ALDH1L1: variants seen among roughly 807,000 people sequenced by gnomAD.
The protein encoded by ALDH1L1 is aldehyde dehydrogenase 1 family member L1, also known as cytosolic 10-formyltetrahydrofolate dehydrogenase.
ALDH1L1 carries 68 observed loss-of-function variants against 101.1 expected under a neutral mutation model. That is an observed-to-expected ratio of 0.67 (90% CI 0.55 to 0.82). The LOEUF is 0.82. ALDH1L1 is among the 40% of genes least tolerant of loss of function. The pLI is 0.00. For missense variants in ALDH1L1, 1,087 were observed against 1,172.7 expected, an observed-to-expected ratio of 0.93 and a Z score of 1.07; for synonymous variants, 486 against 470.8, an observed-to-expected ratio of 1.03 and a Z score of -0.42.
At chr3:126,197,318 A>G (rs1365013795) in intron 1 of ALDH1L1, among the ~76,000 whole-genome samples, 1 of 152,300 alleles carries the variant, frequency 6.6e-6, no homozygotes, top group South Asian at 2.1e-4. Context: ...TTTACCTAAA[A>G]CATTGGCTTT....
At chr3:126,123,105 T>C (rs2080109517) in intron 16 of ALDH1L1, among the ~76,000 whole-genome samples, 1 of 152,166 alleles carries the variant, frequency 6.6e-6, no homozygotes, top group Non-Finnish European at 1.5e-5. Flanking sequence ...TGTAAAAATA[T>C]ATATCATGTC....
At chr3:126,182,271 T>G (rs547188435), upstream of ALDH1L1, among the ~76,000 whole-genome samples, 8 of 152,246 alleles carry the variant, frequency 5.3e-5, no homozygotes, top group East Asian at 1.5e-3. Context: ...CTTAGCCTCC[T>G]GAGTAGCTGG....
intron 3 of ALDH1L1, 24 bp downstream of exon 3, chr3:126,158,381 C>T (rs1409725176): frequency 1.7e-5 from 26 of 1,535,194 alleles, no homozygotes; most frequent in Non-Finnish European, 2.3e-5. Flanking sequence ...GGGGATGGCC[C>T]CCTGTGTTTT....
At chr3:126,107,669 G>A (rs1380280408) in intron 20 of ALDH1L1, among the ~76,000 whole-genome samples, 1 of 152,198 alleles carries the variant, frequency 6.6e-6, no homozygotes, top group Non-Finnish European at 1.5e-5. Flanking sequence ...AACCCGTGGA[G>A]TAGGAGGAGG....
chr3:126,120,177 G>T (rs956283732), intron 16 of ALDH1L1, among the ~76,000 whole-genome samples: 1 of 152,240 alleles, frequency 6.6e-6, no homozygotes, highest in African/African-American at 2.4e-5. Flanking sequence ...ACCTGCACAC[G>T]AATGTTTACG....
intron 5 of ALDH1L1, 73 bp downstream of exon 5, chr3:126,155,329 C>T: frequency 7.3e-7 from 1 of 1,378,070 alleles, no homozygotes; most frequent in Non-Finnish European, 1.0e-6. Context: ...GAACCCCAGC[C>T]TCCTCAGGCT....
intron 5 of ALDH1L1, among the ~76,000 whole-genome samples, chr3:126,155,160 T>A (rs181238135): frequency 6.6e-6 from 1 of 152,188 alleles, no homozygotes; most frequent in Admixed American, 6.5e-5. Flanking sequence ...TGTCTGCCCA[T>A]TCCTCCTAAA....
chr3:126,164,591 T>G (rs1222255819), intron 1 of ALDH1L1, among the ~76,000 whole-genome samples: 1 of 152,234 alleles, frequency 6.6e-6, no homozygotes, highest in Non-Finnish European at 1.5e-5. Context: ...CCATGGTGTA[T>G]ATGTACATTT....
rs146025781 is a variant in ALDH1L1, at chr3:126,142,640, T to C, written c.1076+4195A>G. 2.3e-3 allele frequency among the ~76,000 whole-genome samples: 351 copies of C among 152,304 alleles called. 1 individual carries two copies. Among genetic ancestry groups the C allele is most frequent in the Admixed American group, 8.6e-3 (132 of 15,302 alleles). Reference sequence around the variant, plus strand: ...AGAAAAAGAATTTGACAAAATTCAATATCCTTTCATGATTAAAAAGCACTC... The same window carrying C: ...AGAAAAAGAATTTGACAAAATTCAACATCCTTTCATGATTAAAAAGCACTC... On this transcript the variant is annotated intron_variant, in intron 9 of 22. Transcript: ENST00000393434.
chr3:126,150,217 T>C (rs1302525866), intron 8 of ALDH1L1, among the ~76,000 whole-genome samples, 189 bp downstream of exon 8: 3 of 152,324 alleles, frequency 2.0e-5, no homozygotes, highest in Non-Finnish European at 4.4e-5. Context: ...GGGCCCCAGT[T>C]GCAGAGGAAG....
chr3:126,105,980 C>A, intron 21 of ALDH1L1, 55 bp from the exon 22 acceptor site: 3 of 1,558,066 alleles, frequency 1.9e-6, no homozygotes, highest in Non-Finnish European at 2.6e-6. Context: ...GAGAGCCTGG[C>A]CCACTCCACA....
At chr3:126,107,044 C>T in intron 21 of ALDH1L1, 97 bp downstream of exon 21, 4 of 1,152,162 alleles carry the variant, frequency 3.5e-6, no homozygotes, top group Non-Finnish European at 5.2e-6. Context: ...AGTTCTCCTC[C>T]TGACTGCCCG....
At chr3:126,151,507 T>C (rs1187558445) in intron 7 of ALDH1L1, 4 of 152,200 alleles carry the variant, frequency 2.6e-5, no homozygotes, top group African/African-American at 4.8e-5. Context: ...TTTAATAAGA[T>C]GTTTGAATTG....
chr3:126,139,807 A>G (rs2080528928), intron 9 of ALDH1L1, among the ~76,000 whole-genome samples: 1 of 152,322 alleles, frequency 6.6e-6, no homozygotes, highest in South Asian at 2.1e-4. Flanking sequence ...GTTCAACAGT[A>G]GTTTTGAGCA....
At chr3:126,115,014 G>T (rs1199876264) in intron 17 of ALDH1L1, 1 of 460,428 alleles carries the variant, frequency 2.2e-6, no homozygotes, top group East Asian at 6.8e-5. Flanking sequence ...TTCCTCTACT[G>T]CATGTTGACC....
intron 10 of ALDH1L1, among the ~76,000 whole-genome samples, chr3:126,137,221 G>A (rs2080465214): frequency 6.6e-6 from 1 of 152,174 alleles, no homozygotes; most frequent in African/African-American, 2.4e-5. Context: ...TCACATCCCT[G>A]TGGATTGGCA....
intron 1 of ALDH1L1, among the ~76,000 whole-genome samples, chr3:126,165,443 A>C (rs1231970946): frequency 1.3e-5 from 2 of 152,178 alleles, no homozygotes; most frequent in Admixed American, 6.5e-5. Flanking sequence ...TCACAGAATG[A>C]GTCAGGTAGG....
chr3:126,171,019 C>G (rs188308533), intron 1 of ALDH1L1, among the ~76,000 whole-genome samples: 173 of 152,314 alleles, frequency 1.1e-3, no homozygotes, highest in African/African-American at 3.4e-3. Flanking sequence ...AGACTCTTGG[C>G]TGGGCGCGGT....
intron 1 of ALDH1L1, among the ~76,000 whole-genome samples, chr3:126,169,768 A>T (rs894132704): frequency 1.6e-4 from 25 of 152,228 alleles, no homozygotes; most frequent in African/African-American, 5.8e-4. Flanking sequence ...GCAAATAATT[A>T]TTATTGCTGC....
Sources: allele counts gnomAD v4.1 joint callset (sites outside exome capture counted in the v4.1 genomes callset), GRCh38; gene constraint gnomAD v4.1.1; transcripts MANE v1.5; gene names NCBI Gene and HGNC (gene_info 2026-07-23, HGNC 2026-07-21).